Variants in MGAT5B observed in about 807,000 individuals in gnomAD.
MGAT5B encodes N-acetylglucosaminyl-transferase Vb.
MGAT5B carries 54 observed loss-of-function variants against 95.1 expected under a neutral mutation model. The observed-to-expected ratio is 0.57, with a 90% CI of 0.46 to 0.71. The LOEUF is 0.71. Among genes scored for constraint, MGAT5B ranks in the 30% least tolerant of loss-of-function variants. MGAT5B has a pLI of 0.00. For synonymous variants in MGAT5B, 464 were observed against 451.0 expected (o/e 1.03, Z -0.36); for missense variants, 935 against 1,088.6 (o/e 0.86, Z 1.99).
In MGAT5B at chr17:76,930,886, T is replaced by C. The variant is rs1200185224; in HGVS notation, c.1292-1759T>C. 6.6e-6 allele frequency among the ~76,000 whole-genome samples: 1 copy of C among 152,020 alleles called. No homozygotes were observed. The highest frequency in any genetic ancestry group is 1.5e-5 in the Non-Finnish European group (1 of 67,988). On this transcript the variant is annotated intron_variant, in intron 10 of 17. Transcript: ENST00000569840. This position sits in a 1 kb window ranked among gnomAD's most constrained non-coding sequence, Gnocchi z 4.1. ...GAGGGGCCCCGAAGGCTGAGTAGAA[T>C]TTCCTCATCCGAGACAAGGGAGGAG...
At chr17:76,872,588 C>T (rs967322045) in intron 1 of MGAT5B, 187 of 1,380,582 alleles carry the variant, frequency 1.4e-4, no homozygotes, top group Non-Finnish European at 1.7e-4. Context: ...GGCTAGAGCC[C>T]GCCTGCCTCA....
rs184181537 is a variant in MGAT5B, at chr17:76,916,211, G to T, written c.1026-8755G>T. 6.6e-6 allele frequency among the ~76,000 whole-genome samples: 1 copy of T among 151,980 alleles called. No homozygotes were observed. Among genetic ancestry groups the T allele is most frequent in the Non-Finnish European group, 1.5e-5 (1 of 67,998 alleles). On this transcript the variant is annotated intron_variant, in intron 8 of 17. Coordinates refer to ENST00000569840, the MANE Select transcript of MGAT5B (RefSeq NM_001199172.2). The surrounding 1 kb of genome is among the most constrained non-coding windows in gnomAD (Gnocchi z 5.3). ...TGGCCCCTGCCCTTCATTCTTCCTC[G>T]GGATCCAGGAGAGACCCTTCCTTGC...
At chr17:76,872,733 C>G (rs766798332) in intron 1 of MGAT5B, 118 bp from the exon 2 acceptor site, 52 of 1,577,318 alleles carry the variant, frequency 3.3e-5, no homozygotes, top group Non-Finnish European at 4.4e-5. Flanking sequence ...TTTCATTCTC[C>G]CTTGCTTCCT....
Position 76,939,029 on chromosome 17 carries a change from G to GGTGTGTGT in MGAT5B, c.1584+925_1584+932dup, listed in dbSNP as rs372571720. 7.9e-3 allele frequency among the ~76,000 whole-genome samples: 1,015 copies of GGTGTGTGT among 128,226 alleles called. 5 individuals carry two copies. Among genetic ancestry groups the GGTGTGTGT allele is most frequent in the Admixed American group, 0.011 (139 of 12,408 alleles). The allele number at this position is 128,226 out of a possible 152,430, so 84.1% of individuals were successfully genotyped here. A position where few individuals can be genotyped will look rare whatever the true frequency, so the allele number is the denominator to read the frequency against. On this transcript the variant is annotated intron_variant, in intron 13 of 17. Transcript: ENST00000569840. ...AGCTTGTTTCCCAAGGCATCTTGGGGGTGTGTGTGTGTGTGTGTGTGTGTG... is the reference window on the plus strand; with the variant it reads ...AGCTTGTTTCCCAAGGCATCTTGGGGGTGTGTGTGTGTGTGTGTGTGTGTGTGTGTGTG...
chr17:76,897,948 C>T (rs1403611895), intron 3 of MGAT5B, among the ~76,000 whole-genome samples: 5 of 151,384 alleles, frequency 3.3e-5, no homozygotes, highest in South Asian at 2.1e-4. Context: ...CCCAGCTACT[C>T]GGGAGGCTGA....
At position 76,915,910 on chromosome 17, in the gene MGAT5B, C is replaced by T. The variant is rs1968916476; in HGVS notation, c.1026-9056C>T. Among the ~76,000 whole-genome samples the T allele has an allele frequency of 6.6e-6, 1 of 152,234 alleles. No homozygotes were observed. Among genetic ancestry groups the T allele is most frequent in the Non-Finnish European group, 1.5e-5 (1 of 68,048 alleles). On this transcript the variant is annotated intron_variant, in intron 8 of 17. Transcript: ENST00000569840. This position sits in a 1 kb window ranked among gnomAD's most constrained non-coding sequence, Gnocchi z 8.7. ...AGAGGCCTGGCAGCCAGACACCTGACCCAAGTTGGCTGGCGGTCAGAACCC... is the reference window on the plus strand; with the variant it reads ...AGAGGCCTGGCAGCCAGACACCTGATCCAAGTTGGCTGGCGGTCAGAACCC...
At chr17:76,901,196 C>G (rs1189190504) in intron 3 of MGAT5B, among the ~76,000 whole-genome samples, 1 of 152,096 alleles carries the variant, frequency 6.6e-6, no homozygotes, top group African/African-American at 2.4e-5. Context: ...TATGCCTTCT[C>G]TAGTGGACAG....
chr17:76,879,019 C>T (rs944411035), intron 2 of MGAT5B, among the ~76,000 whole-genome samples: 2 of 151,996 alleles, frequency 1.3e-5, no homozygotes, highest in Non-Finnish European at 2.9e-5. Context: ...TTGACTGGGC[C>T]CATGCCACCA....
chr17:76,932,528 C>T, intron 10 of MGAT5B, 117 bp from the exon 11 acceptor site: 1 of 1,479,454 alleles, frequency 6.8e-7, no homozygotes, highest in Non-Finnish European at 9.2e-7. Flanking sequence ...ACCCTGTGCC[C>T]CGCCCCCTTT....
chr17:76,928,577 T>C (rs963948279), intron 10 of MGAT5B, among the ~76,000 whole-genome samples: 2 of 151,890 alleles, frequency 1.3e-5, no homozygotes, highest in African/African-American at 4.8e-5. Flanking sequence ...TGGTCGTGGG[T>C]GCCTGTAATC....
In MGAT5B at chr17:76,905,906, C is replaced by G. The variant is rs1968507223; in HGVS notation, c.856-112C>G. 8.1e-7 allele frequency: 1 copy of G among 1,240,280 alleles called. No individual in the cohort carries two copies. The highest frequency in any genetic ancestry group is 1.6e-5 in the African/African-American group (1 of 64,174). The allele number at this position is 1,240,280 out of a possible 1,614,324, so 76.8% of individuals were successfully genotyped here. ...GGTGCCGGAAAGCACCTGCTGGGGC[C>G]CAGCCTGGAGACAGGGTCTGCTGCC... On this transcript the variant is annotated intron_variant, in intron 7 of 17. Transcript: ENST00000569840. This position sits in a 1 kb window ranked among gnomAD's most constrained non-coding sequence, Gnocchi z 4.2.
At chr17:76,910,653 C>T (rs144792632) in intron 8 of MGAT5B, among the ~76,000 whole-genome samples, 19 of 152,374 alleles carry the variant, frequency 1.2e-4, no homozygotes, top group Non-Finnish European at 2.4e-4. Context: ...CATGCATGTC[C>T]ACACCCCACA....
rs1293646333 is a variant in MGAT5B, at chr17:76,948,752, G to A, written c.2293G>A (p.Ala765Thr). ...LQKEPLLFSCAGSNTKYRRLC... is the reference protein window; with the variant it reads ...LQKEPLLFSCTGSNTKYRRLC... ...GAAGGAGCCTCTGCTCTTCAGCTGC[G>A]CCGGCTCCAACACCAAGTACCGCCG... Residue 765 changes from alanine to threonine, a missense_variant, in exon 18 of 18, where the codon GCC (alanine) becomes ACC (threonine). Transcript: ENST00000569840. The A allele has an allele frequency of 5.0e-6, 8 of 1,611,430 alleles. No homozygotes were observed. Among genetic ancestry groups the A allele is most frequent in the South Asian group, 1.1e-5 (1 of 90,522 alleles).
chr17:76,920,209 C>T (rs1282636722), intron 8 of MGAT5B, among the ~76,000 whole-genome samples: 3 of 152,200 alleles, frequency 2.0e-5, no homozygotes, highest in Admixed American at 1.3e-4. Context: ...CCTTCTGCCC[C>T]TGAGGTCCTC....
chr17:76,932,151 A>G (rs1390784897), intron 10 of MGAT5B, among the ~76,000 whole-genome samples: 1 of 115,150 alleles, frequency 8.7e-6, no homozygotes, highest in Admixed American at 1.1e-4. Context: ...CTTCTTACAC[A>G]GGGTCTTGCT....
At chr17:76,886,198 G>C (rs1330459993) in intron 3 of MGAT5B, among the ~76,000 whole-genome samples, 1 of 152,220 alleles carries the variant, frequency 6.6e-6, no homozygotes, top group Non-Finnish European at 1.5e-5. Context: ...GGATTGAAGA[G>C]GTCAGTCCGT....
chr17:76,871,155 A>C (rs1487398280), intron 1 of MGAT5B, among the ~76,000 whole-genome samples: 7 of 152,280 alleles, frequency 4.6e-5, no homozygotes, highest in African/African-American at 1.7e-4. Flanking sequence ...GAGTGGGGGA[A>C]GTCCGTCCTT....
chr17:76,885,847 G>C (rs1696117964), intron 3 of MGAT5B, among the ~76,000 whole-genome samples: 1 of 152,176 alleles, frequency 6.6e-6, no homozygotes, highest in African/African-American at 2.4e-5. Context: ...TAACCAACCT[G>C]CAGCTAGACC....
In MGAT5B at chr17:76,933,421, T is replaced by C. The variant is rs1411193200; in HGVS notation, c.1428+124T>C. On this transcript the variant is annotated intron_variant, in intron 12 of 17. Coordinates refer to ENST00000569840, the MANE Select transcript of MGAT5B (RefSeq NM_001199172.2). ...CAGGCTCTCTGGGGCTTGTGGCTCC[T>C]GTGGATGGACCAAGGTGGGGAAGAG... 4.7e-6 allele frequency: 6 copies of C among 1,277,168 alleles called. No individual in the cohort carries two copies. In the Admixed American group the frequency reaches 1.1e-4, roughly 24 times the overall value. The allele number at this position is 1,277,168 out of a possible 1,614,324, so 79.1% of individuals were successfully genotyped here.
Sources: gnomAD v4.1 joint callset for allele counts (sites outside exome capture counted in the v4.1 genomes callset) on GRCh38, gnomAD v4.1.1 for gene constraint, Gnocchi (gnomAD v3.1) non-coding constraint, MANE v1.5 for transcripts, NCBI Gene and HGNC (gene_info 2026-07-23, HGNC 2026-07-21) for gene names.